UMAD1: variants seen among roughly 807,000 people sequenced by gnomAD.
UMAD1 encodes UBAP1-MVB12-associated (UMA) domain containing 1, also known as UBAP1-MVB12-associated (UMA)-domain containing protein 1.
UMAD1 carries 8 observed loss-of-function variants against 6.1 expected under a neutral mutation model. The observed-to-expected ratio is 1.30, with a 90% CI of 0.76 to 2.35. UMAD1 has a LOEUF of 2.35. Ranked by LOEUF, UMAD1 falls within the 30% of genes most tolerant of loss-of-function variation. UMAD1 has a pLI of 0.00. For synonymous variants in UMAD1, 56 were observed against 31.4 expected (o/e 1.78, Z -2.61); for missense variants, 130 against 78.4 (o/e 1.66, Z -2.49).
At chr7:7,767,274 T>G (rs1351034252) in intron 2 of UMAD1, among the ~76,000 whole-genome samples, 1 of 152,032 alleles carries the variant, frequency 6.6e-6, no homozygotes, top group African/African-American at 2.4e-5. Context: ...AACAGGCACC[T>G]GCCACCACAC....
At chr7:7,705,296 T>A (rs528210083) in intron 2 of UMAD1, among the ~76,000 whole-genome samples, 58 of 152,218 alleles carry the variant, frequency 3.8e-4, no homozygotes, top group Non-Finnish European at 7.3e-5. Context: ...TGGAAAAATA[T>A]CTGACTTATA....
intron 2 of UMAD1, chr7:7,742,016 G>A (rs889281862): frequency 4.8e-5 from 16 of 335,610 alleles, no homozygotes; most frequent in Admixed American, 3.9e-4. Context: ...ATTTTTAAAT[G>A]AATACTGATG....
At chr7:7,857,621 G>C (rs1393386269) in intron 3 of UMAD1, among the ~76,000 whole-genome samples, 1 of 152,186 alleles carries the variant, frequency 6.6e-6, no homozygotes, top group East Asian at 1.9e-4. Flanking sequence ...ATTTAGGTAA[G>C]GTAAACAGTT....
intron 2 of UMAD1, among the ~76,000 whole-genome samples, chr7:7,715,769 G>A (rs1195428193): frequency 6.6e-6 from 1 of 152,202 alleles, no homozygotes; most frequent in Non-Finnish European, 1.5e-5. Context: ...ATGTAAGAAA[G>A]AGTTTTGAGT....
At chr7:7,657,422 C>T (rs1785369829) in intron 1 of UMAD1, among the ~76,000 whole-genome samples, 1 of 152,176 alleles carries the variant, frequency 6.6e-6, no homozygotes, top group South Asian at 2.1e-4. Flanking sequence ...CCTAGGTTTT[C>T]TTCTAGGGTT....
intron 3 of UMAD1, among the ~76,000 whole-genome samples, chr7:7,819,272 T>A (rs1783196107): frequency 6.6e-6 from 1 of 152,130 alleles, no homozygotes; most frequent in African/African-American, 2.4e-5. Flanking sequence ...ATGACAAGCA[T>A]CTGAAGATTT....
chr7:7,738,410 T>G (rs1188222165), intron 2 of UMAD1: 1 of 152,218 alleles, frequency 6.6e-6, no homozygotes. Flanking sequence ...TACTAACCAC[T>G]GGTTCAAGCA....
At chr7:7,761,979 G>A (rs891202825) in intron 2 of UMAD1, among the ~76,000 whole-genome samples, 1 of 152,138 alleles carries the variant, frequency 6.6e-6, no homozygotes, top group Admixed American at 6.5e-5. Context: ...TTGTTTAATT[G>A]AATTGCATTG....
chr7:7,850,395 C>T (rs182173055), intron 3 of UMAD1, among the ~76,000 whole-genome samples: 14 of 152,204 alleles, frequency 9.2e-5, no homozygotes, highest in Admixed American at 9.2e-4. Context: ...AGCTCTTTCT[C>T]AATTCAGAAA....
intron 3 of UMAD1, 69 bp downstream of exon 3, chr7:7,801,812 G>C (rs1782805901): frequency 5.7e-6 from 4 of 704,018 alleles, no homozygotes; most frequent in Non-Finnish European, 7.9e-6. Context: ...ATGCCTCCGA[G>C]GATAAATAGT....
intron 3 of UMAD1, among the ~76,000 whole-genome samples, chr7:7,825,295 C>G (rs961985839): frequency 6.6e-6 from 1 of 152,162 alleles, no homozygotes; most frequent in Non-Finnish European, 1.5e-5. Flanking sequence ...TAAAGTGTAA[C>G]TCTTCTCAGA....
At chr7:7,865,548 G>A (rs1392286743) in intron 3 of UMAD1, among the ~76,000 whole-genome samples, 1 of 152,154 alleles carries the variant, frequency 6.6e-6, no homozygotes, top group Non-Finnish European at 1.5e-5. Context: ...TAGATATGAG[G>A]CTTTTCCTCT....
intron 2 of UMAD1, among the ~76,000 whole-genome samples, chr7:7,756,344 T>C (rs1008638543): frequency 1.3e-5 from 2 of 152,182 alleles, no homozygotes; most frequent in African/African-American, 4.8e-5. Flanking sequence ...GAACTGAGTA[T>C]TGTTTGCAAT....
At chr7:7,847,344 A>T (rs1012725288) in intron 3 of UMAD1, among the ~76,000 whole-genome samples, 1 of 151,074 alleles carries the variant, frequency 6.6e-6, no homozygotes, top group Non-Finnish European at 1.5e-5. Context: ...ATATATATAT[A>T]TTCTCACTGG....
At chr7:7,867,318 G>T (rs1159522952) in intron 3 of UMAD1, among the ~76,000 whole-genome samples, 1 of 152,144 alleles carries the variant, frequency 6.6e-6, no homozygotes, top group East Asian at 1.9e-4. Context: ...TATTACTTTT[G>T]GGGGAGTGGA....
At chr7:7,739,613 G>T (rs12702640) in intron 2 of UMAD1, among the ~76,000 whole-genome samples, 1 of 151,958 alleles carries the variant, frequency 6.6e-6, no homozygotes, top group Non-Finnish European at 1.5e-5. Flanking sequence ...TCCTAGTGAC[G>T]TAACAAATCA....
chr7:7,728,221 T>A (rs1781178359), intron 2 of UMAD1, among the ~76,000 whole-genome samples: 1 of 152,154 alleles, frequency 6.6e-6, no homozygotes, highest in Non-Finnish European at 1.5e-5. Context: ...TATAGTCAAC[T>A]TGACATAAAG....
intron 2 of UMAD1, among the ~76,000 whole-genome samples, chr7:7,728,444 G>C (rs901652042): frequency 6.6e-6 from 1 of 152,126 alleles, no homozygotes; most frequent in African/African-American, 2.4e-5. Context: ...AGGAGGTTGA[G>C]ACCAGCCTGA....
At chr7:7,747,728 T>A (rs1477820780) in intron 2 of UMAD1, among the ~76,000 whole-genome samples, 1 of 152,182 alleles carries the variant, frequency 6.6e-6, no homozygotes, top group Non-Finnish European at 1.5e-5. Flanking sequence ...TGGGAAATCT[T>A]CATTGTTACC....
Sources: gnomAD v4.1 joint callset for allele counts (sites outside exome capture counted in the v4.1 genomes callset) on GRCh38, gnomAD v4.1.1 for gene constraint, MANE v1.5 for transcripts, NCBI Gene and HGNC (gene_info 2026-07-23, HGNC 2026-07-21) for gene names.